FOXP1: variants seen among roughly 807,000 people sequenced by gnomAD.
FOXP1 encodes the protein forkhead box P1, also known as forkhead box protein P1.
Under a neutral mutation model 98.2 loss-of-function variants are expected in FOXP1, and 15 were observed. That is an observed-to-expected ratio of 0.15 (90% CI 0.10 to 0.24). The LOEUF is 0.24. FOXP1 is among the 10% of genes least tolerant of loss of function. The pLI, the probability that FOXP1 is intolerant of heterozygous loss-of-function variation, is 1.00. For synonymous variants in FOXP1, 371 were observed against 314.5 expected (o/e 1.18, Z -1.90); for missense variants, 633 against 848.5 (o/e 0.75, Z 3.15).
intron 2 of FOXP1, among the ~76,000 whole-genome samples, chr3:71,548,581 T>C (rs1275430502): frequency 6.6e-6 from 1 of 152,132 alleles, no homozygotes; most frequent in East Asian, 1.9e-4. Flanking sequence ...GTATTTTTGG[T>C]AGAGATGGGG....
intron 3 of FOXP1, among the ~76,000 whole-genome samples, chr3:71,420,018 T>C (rs1399587301): frequency 2.0e-5 from 3 of 152,040 alleles, no homozygotes; most frequent in Non-Finnish European, 2.9e-5. Flanking sequence ...GGTTTCACCA[T>C]GTTGGCCAGG....
chr3:71,295,089 G>A (rs892409628), intron 5 of FOXP1, among the ~76,000 whole-genome samples: 5 of 152,180 alleles, frequency 3.3e-5, no homozygotes, highest in African/African-American at 1.2e-4. Context: ...CCAGGCATGA[G>A]TGTACTGTAT....
At chr3:71,025,034 A>C (rs2045929406) in intron 11 of FOXP1, among the ~76,000 whole-genome samples, 1 of 152,174 alleles carries the variant, frequency 6.6e-6, no homozygotes, top group African/African-American at 2.4e-5. Context: ...GCGTTGGATA[A>C]AGTTTTTATG....
intron 12 of FOXP1, among the ~76,000 whole-genome samples, chr3:71,008,961 G>C (rs1290987852): frequency 2.6e-5 from 4 of 151,858 alleles, no homozygotes; most frequent in Non-Finnish European, 5.9e-5. Context: ...TTGACAGATG[G>C]GATTTTTATC....
chr3:71,023,010 T>C (rs989130677), intron 11 of FOXP1, among the ~76,000 whole-genome samples: 2 of 152,112 alleles, frequency 1.3e-5, no homozygotes, highest in African/African-American at 4.8e-5. Flanking sequence ...CCACAGCAAA[T>C]ACACAAACCA....
intron 3 of FOXP1, among the ~76,000 whole-genome samples, chr3:71,492,921 A>G (rs528624649): frequency 6.6e-6 from 1 of 152,340 alleles, no homozygotes; most frequent in East Asian, 1.9e-4. Flanking sequence ...TTATGATACA[A>G]AAAAATTTCC....
chr3:70,963,042 G>T (rs2033922986), intron 20 of FOXP1, among the ~76,000 whole-genome samples: 1 of 152,140 alleles, frequency 6.6e-6, no homozygotes, highest in Non-Finnish European at 1.5e-5. Context: ...TAGTTACGAG[G>T]TATCAATTTT....
At chr3:70,972,267 A>G (rs2036431739) in intron 18 of FOXP1, 3 of 1,214,528 alleles carry the variant, frequency 2.5e-6, no homozygotes, top group Non-Finnish European at 3.4e-6. Flanking sequence ...TACAGGGAAC[A>G]GGAAAAAGAA....
chr3:71,069,681 G>A (rs60598200), intron 7 of FOXP1, among the ~76,000 whole-genome samples: 3,020 of 152,232 alleles, frequency 0.02, 84 homozygotes, highest in African/African-American at 0.069. Flanking sequence ...TTTCCCTCCC[G>A]AAGAGTGACA....
At chr3:71,461,074 A>G (rs2108538761) in intron 3 of FOXP1, among the ~76,000 whole-genome samples, 1 of 152,306 alleles carries the variant, frequency 6.6e-6, no homozygotes, top group South Asian at 2.1e-4. Flanking sequence ...TTGGTTGTAG[A>G]GAGAGGTTTG....
At chr3:71,277,243 C>A (rs2071007609) in intron 5 of FOXP1, among the ~76,000 whole-genome samples, 1 of 151,078 alleles carries the variant, frequency 6.6e-6, no homozygotes, top group South Asian at 2.1e-4. Flanking sequence ...CAGGCATGAG[C>A]CACCGCACCT....
chr3:71,544,452 T>A (rs1212238096), intron 2 of FOXP1, among the ~76,000 whole-genome samples: 1 of 149,276 alleles, frequency 6.7e-6, no homozygotes, highest in Non-Finnish European at 1.5e-5. Flanking sequence ...CTGCTGATCG[T>A]GGAAGTACTA....
intron 2 of FOXP1, among the ~76,000 whole-genome samples, chr3:71,516,113 C>A (rs543948876): frequency 3.1e-4 from 47 of 152,304 alleles, no homozygotes; most frequent in African/African-American, 1.1e-3. Flanking sequence ...GAGACACTGA[C>A]AACATCGTGC....
intron 5 of FOXP1, among the ~76,000 whole-genome samples, chr3:71,266,363 C>T (rs2069661766): frequency 6.6e-6 from 1 of 152,030 alleles, no homozygotes; most frequent in South Asian, 2.1e-4. Context: ...AATTCTCCTG[C>T]CTCAGCCTCC....
intron 5 of FOXP1, among the ~76,000 whole-genome samples, chr3:71,231,525 A>G (rs1316832501): frequency 6.6e-6 from 1 of 152,238 alleles, no homozygotes; most frequent in Admixed American, 6.5e-5. Flanking sequence ...AAAATACACA[A>G]CACCAACTTG....
rs182873423 is a variant in FOXP1, at chr3:71,149,516, C to T, written c.181-36879G>A. 7.2e-5 allele frequency among the ~76,000 whole-genome samples: 11 copies of T among 152,176 alleles called. No homozygotes were observed. The South Asian group carries it at 1.0e-3, about 14-fold the overall frequency. ...GGCCTACAGAAGGCCCAATGAAATA[C>T]GGCATATTCTTTTTTATGTATCAAG... On this transcript the variant is annotated intron_variant, in intron 6 of 20. Coordinates refer to ENST00000649528, the MANE Select transcript of FOXP1 (RefSeq NM_001349338.3).
chr3:71,409,577 G>T (rs2082580223), intron 3 of FOXP1, among the ~76,000 whole-genome samples: 1 of 140,138 alleles, frequency 7.1e-6, no homozygotes, highest in African/African-American at 2.7e-5. Context: ...TTGAATCTAA[G>T]TTATTTACTT....
At chr3:71,384,086 G>A (rs1439287246) in intron 3 of FOXP1, among the ~76,000 whole-genome samples, 1 of 152,176 alleles carries the variant, frequency 6.6e-6, no homozygotes, top group Non-Finnish European at 1.5e-5. Flanking sequence ...AGGCATGGTG[G>A]TGTAAGCCTG....
At chr3:71,550,755 T>C (rs1452316764) in intron 2 of FOXP1, among the ~76,000 whole-genome samples, 1 of 152,228 alleles carries the variant, frequency 6.6e-6, no homozygotes, top group Non-Finnish European at 1.5e-5. Flanking sequence ...CCAGCTCATA[T>C]ATTCGGGTAA....
Sources: allele counts gnomAD v4.1 joint callset (sites outside exome capture counted in the v4.1 genomes callset), GRCh38; gene constraint gnomAD v4.1.1; transcripts MANE v1.5; gene names NCBI Gene and HGNC (gene_info 2026-07-23, HGNC 2026-07-21).